Variants in CDK14 observed in about 807,000 individuals in gnomAD.
The protein encoded by CDK14 is cyclin dependent kinase 14, also known as cyclin-dependent kinase 14.
Under a neutral mutation model 60.7 loss-of-function variants are expected in CDK14, and 34 were observed. That is an observed-to-expected ratio of 0.56 (90% CI 0.43 to 0.75). CDK14 has a LOEUF of 0.75. CDK14 is among the 30% of genes least tolerant of loss of function. The pLI, the probability that CDK14 is intolerant of heterozygous loss-of-function variation, is 0.00. For missense variants in CDK14, 482 were observed against 564.1 expected (o/e 0.85, Z 1.47); for synonymous variants, 197 against 203.7 (o/e 0.97, Z 0.28).
chr7:91,052,863 A>G (rs1214392550), intron 11 of CDK14, among the ~76,000 whole-genome samples: 2 of 152,226 alleles, frequency 1.3e-5, no homozygotes, highest in Non-Finnish European at 2.9e-5. Context: ...ATGAAATAAT[A>G]TAAAGAATTT....
rs114436657 is a variant in CDK14, at chr7:90,835,055, G to C, written c.545-28120G>C. Among the ~76,000 whole-genome samples the C allele has an allele frequency of 8.4e-3, 1,279 of 152,304 alleles. 26 individuals are homozygous for C. Among genetic ancestry groups the C allele is most frequent in the African/African-American group, 0.027 (1,111 of 41,572 alleles). On this transcript the variant is annotated intron_variant, in intron 5 of 14. Transcript: ENST00000380050. ...AGATGTTAGGAGGATGAGGCAGCAG[G>C]AGTGACGGTGACTGACAAGGAGCAA...
At chr7:91,010,757 T>TTTCTTTCCTTCC (rs1003805331) in intron 10 of CDK14, among the ~76,000 whole-genome samples, 2 of 149,348 alleles carry the variant, frequency 1.3e-5, no homozygotes, top group East Asian at 2.0e-4. Flanking sequence ...TCCTTCCTTC[T>TTTCTTTCCTTCC]TTCTTTCCTT....
chr7:91,065,881 A>G (rs112885929), intron 11 of CDK14, among the ~76,000 whole-genome samples: 1 of 152,198 alleles, frequency 6.6e-6, no homozygotes, highest in Non-Finnish European at 1.5e-5. Flanking sequence ...AACATAAACA[A>G]ATAATTAGGG....
chr7:91,047,023 A>G (rs539574741), intron 11 of CDK14, among the ~76,000 whole-genome samples: 1 of 152,282 alleles, frequency 6.6e-6, no homozygotes, highest in African/African-American at 2.4e-5. Flanking sequence ...CTTTTACTGG[A>G]AATTCTAAAT....
intron 12 of CDK14, among the ~76,000 whole-genome samples, chr7:91,081,163 C>G (rs1265484292): frequency 6.6e-6 from 1 of 152,180 alleles, no homozygotes; most frequent in Non-Finnish European, 1.5e-5. Context: ...GCTGTAGCCT[C>G]TAGCCAATTC....
At position 90,982,776 on chromosome 7, in the gene CDK14, TG is replaced by T. The variant is rs1795265312; in HGVS notation, c.948-1367del. Among the ~76,000 whole-genome samples, 4 of 152,122 alleles carry T rather than the reference TG, an allele frequency of 2.6e-5. No individual in the cohort carries two copies. In the South Asian group the frequency reaches 8.3e-4, roughly 32 times the overall value. On this transcript the variant is annotated intron_variant, in intron 9 of 14. Transcript: ENST00000380050. The stretch of plus-strand genomic sequence containing the variant: ...TTTAGAGTTCTTTCAGGGCAGTAGA[TG>T]GGGGCAGGGGGAGTGGGTAGGTTAT...
chr7:91,091,489 A>G (rs570061339), intron 12 of CDK14, among the ~76,000 whole-genome samples: 1 of 97,574 alleles, frequency 1.0e-5, no homozygotes, highest in East Asian at 3.5e-4. Context: ...ATGTATATGT[A>G]GTTTATATAT....
chr7:91,070,699 G>C (rs1168182121), intron 11 of CDK14, among the ~76,000 whole-genome samples: 1 of 152,072 alleles, frequency 6.6e-6, no homozygotes, highest in East Asian at 1.9e-4. Flanking sequence ...GGTCAAGGCT[G>C]CAGTGAGCGT....
chr7:90,636,931 T>C (rs1001285714), intron 2 of CDK14, among the ~76,000 whole-genome samples: 136 of 151,054 alleles, frequency 9.0e-4, no homozygotes, highest in African/African-American at 3.1e-3. Flanking sequence ...TAGAGGTGTT[T>C]GTAGTATTCT....
chr7:91,095,679 A>AT (rs1427659298), intron 12 of CDK14, among the ~76,000 whole-genome samples: 13 of 152,152 alleles, frequency 8.5e-5, no homozygotes, highest in African/African-American at 2.9e-4. Flanking sequence ...ACGTATGGAG[A>AT]TTTTAAAAAC....
intron 11 of CDK14, among the ~76,000 whole-genome samples, chr7:91,051,478 TTTA>T (rs1797388928): frequency 6.6e-6 from 1 of 152,240 alleles, no homozygotes; most frequent in South Asian, 2.1e-4. Context: ...TTAATGGTCT[TTTA>T]AAAGTAGGTC....
chr7:91,003,690 C>T lies in CDK14; in HGVS notation c.1041+19449C>T, dbSNP rs148737832. On this transcript the variant is annotated intron_variant, in intron 10 of 14. Transcript: ENST00000380050. ...CTAAAGGTGTGACCTAGAAGTTGCA[C>T]ACTTCCACCCATATAATTTTGTCCA... is the stretch of plus-strand genomic sequence containing the variant. 2.0e-4 allele frequency among the ~76,000 whole-genome samples: 31 copies of T among 152,282 alleles called. 1 individual carries two copies. The East Asian group carries it at 5.4e-3, about 27-fold the overall frequency.
At chr7:90,827,657 G>A (rs1420369902) in intron 5 of CDK14, among the ~76,000 whole-genome samples, 2 of 152,172 alleles carry the variant, frequency 1.3e-5, no homozygotes, top group Non-Finnish European at 2.9e-5. Context: ...GAAACTGGAA[G>A]GACGTTTTCT....
chr7:90,966,546 A>G (rs1794756335), intron 9 of CDK14, among the ~76,000 whole-genome samples: 1 of 152,192 alleles, frequency 6.6e-6, no homozygotes, highest in Admixed American at 6.5e-5. Context: ...CACATAGATC[A>G]GTAAACATGT....
chr7:90,914,066 G>A (rs964537227), intron 7 of CDK14, among the ~76,000 whole-genome samples: 1 of 152,024 alleles, frequency 6.6e-6, no homozygotes, highest in African/African-American at 2.4e-5. Context: ...TGAGTTGGTA[G>A]GTTTACAGCT....
chr7:91,187,579 G>C (rs1000697528), intron 14 of CDK14, among the ~76,000 whole-genome samples: 4 of 152,210 alleles, frequency 2.6e-5, no homozygotes, highest in African/African-American at 9.7e-5. Flanking sequence ...CTGTAGTCTA[G>C]TGCCAAGAAG....
chr7:91,137,359 A>T (rs1463507249), intron 14 of CDK14, among the ~76,000 whole-genome samples: 3 of 152,222 alleles, frequency 2.0e-5, no homozygotes, highest in South Asian at 2.1e-4. Flanking sequence ...GCTGGGGGCC[A>T]ATCTGTTTTC....
intron 11 of CDK14, among the ~76,000 whole-genome samples, chr7:91,075,028 C>G (rs975048712): frequency 6.6e-6 from 1 of 152,116 alleles, no homozygotes; most frequent in African/African-American, 2.4e-5. Context: ...AAGCCCAGGA[C>G]CAGATGGATT....
At chr7:91,082,239 G>A (rs74880724) in intron 12 of CDK14, among the ~76,000 whole-genome samples, 1 of 152,194 alleles carries the variant, frequency 6.6e-6, no homozygotes, top group East Asian at 1.9e-4. Flanking sequence ...AAGATTCCAG[G>A]AACACATTTG....
Sources: allele counts gnomAD v4.1 joint callset (sites outside exome capture counted in the v4.1 genomes callset), GRCh38; gene constraint gnomAD v4.1.1; transcripts MANE v1.5; gene names NCBI Gene and HGNC (gene_info 2026-07-23, HGNC 2026-07-21).